OC90: variants seen among roughly 807,000 people sequenced by gnomAD.
OC90 encodes the protein otoconin-90.
Under a neutral mutation model 47.3 loss-of-function variants are expected in OC90, and 46 were observed. The ratio of observed to expected loss-of-function variants is 0.97; its 90% confidence interval spans 0.77 to 1.24. The LOEUF (loss-of-function observed/expected upper bound fraction) is 1.24, where lower values mean the gene tolerates loss of function less well. Ranked by LOEUF, OC90 falls within the 50% of genes most tolerant of loss-of-function variation. The pLI, the probability that OC90 is intolerant of heterozygous loss-of-function variation, is 0.00. For synonymous variants in OC90, 271 were observed against 219.5 expected (o/e 1.23, Z -2.07); for missense variants, 688 against 583.9 (o/e 1.18, Z -1.84).
intron 13 of OC90, among the ~76,000 whole-genome samples, chr8:132,025,284 G>A (rs1489514156): frequency 2.0e-5 from 3 of 152,208 alleles, no homozygotes; most frequent in African/African-American, 7.2e-5. Context: ...TGGCAACAGA[G>A]ATGAGAAAAT....
chr8:132,032,095 G>A, intron 11 of OC90, 43 bp from the exon 12 acceptor site: 12 of 1,585,664 alleles, frequency 7.6e-6, no homozygotes, highest in Non-Finnish European at 1.0e-5. Flanking sequence ...GACTGTCGGG[G>A]CAGCTGTCTC....
intron 4 of OC90, among the ~76,000 whole-genome samples, chr8:132,043,369 A>T (rs1331858266): frequency 6.6e-6 from 1 of 152,270 alleles, no homozygotes; most frequent in Non-Finnish European, 1.5e-5. Flanking sequence ...TACATTTCAC[A>T]GTAGTAAACC....
At chr8:132,031,025 G>C (rs1004119557) in intron 12 of OC90, among the ~76,000 whole-genome samples, 2 of 152,118 alleles carry the variant, frequency 1.3e-5, no homozygotes, top group African/African-American at 4.8e-5. Context: ...TTTGAATGCA[G>C]GTCTCTCCAT....
At chr8:132,055,698 A>G (rs1469678714) in intron 1 of OC90, among the ~76,000 whole-genome samples, 1 of 152,094 alleles carries the variant, frequency 6.6e-6, no homozygotes, top group Non-Finnish European at 1.5e-5. Context: ...TCGGCTTTTG[A>G]GTATTTCGAA....
At position 132,031,820 on chromosome 8, in the gene OC90, C is replaced by T. The variant is rs901874375; in HGVS notation, c.1031+61G>A. 6 of 1,478,346 alleles carry T rather than the reference C, an allele frequency of 4.1e-6. No individual in the cohort carries two copies. In the South Asian group the frequency reaches 4.9e-5, roughly 12 times the overall value. 91.6% of individuals were successfully genotyped at this position (1,478,346 alleles called of 1,614,324 possible). ...TGGTGTCCAGGAGGGCTGTCACCACCCTCTGGTGCAGACAGCATCAGCACT... is the reference window on the plus strand; with the variant it reads ...TGGTGTCCAGGAGGGCTGTCACCACTCTCTGGTGCAGACAGCATCAGCACT... On this transcript the variant is annotated intron_variant, in intron 12 of 13. Coordinates refer to ENST00000254627, the MANE Select transcript of OC90 (RefSeq NM_001080399.3).
chr8:132,032,947 G>A (rs1822897527), intron 11 of OC90, 92 bp downstream of exon 11: 10 of 1,387,320 alleles, frequency 7.2e-6, no homozygotes, highest in South Asian at 2.7e-5. Context: ...CCCATGAGAA[G>A]GTCACAGTGT....
chr8:132,024,775 A>C lies in OC90; in HGVS notation c.1140T>G (p.Cys380Trp), dbSNP rs1197006307. Residue 380 changes from cysteine to tryptophan, a missense_variant and splice_region_variant, in exon 14 of 14, where the codon TGT (cysteine) becomes TGG (tryptophan). Transcript: ENST00000254627. ...PVVCVDHTPKCGGQSLCEKLL... is the reference protein window; with the variant it reads ...PVVCVDHTPKWGGQSLCEKLL... ...ACTTCTCACACAGGCTTTGGCCCCC[A>C]CCTTAGAAGGAAAGAGCAGAGTAGA... 1 of 1,610,188 alleles carries C rather than the reference A, an allele frequency of 6.2e-7. No homozygotes were observed. Among genetic ancestry groups the C allele is most frequent in the African/African-American group, 1.3e-5 (1 of 74,876 alleles).
intron 10 of OC90, among the ~76,000 whole-genome samples, chr8:132,033,929 G>A (rs1314463750): frequency 1.3e-5 from 2 of 152,156 alleles, no homozygotes; most frequent in East Asian, 3.8e-4. Context: ...TGTGCCCGCT[G>A]GATTGCAGTC....
intron 2 of OC90, among the ~76,000 whole-genome samples, chr8:132,050,085 G>C (rs72715315): frequency 0.23 from 34,298 of 151,976 alleles, 4,191 homozygotes; most frequent in South Asian, 0.29. Context: ...AACTCTCAAA[G>C]CCTCATTTTT....
chr8:132,028,462 G>A (rs1030503028), intron 13 of OC90, among the ~76,000 whole-genome samples: 46 of 151,084 alleles, frequency 3.0e-4, no homozygotes, highest in African/African-American at 1.0e-3. Flanking sequence ...AGATTGTACC[G>A]CTGTACTCCA....
intron 2 of OC90, among the ~76,000 whole-genome samples, chr8:132,047,591 G>C (rs1823150682): frequency 6.6e-6 from 1 of 151,916 alleles, no homozygotes; most frequent in Non-Finnish European, 1.5e-5. Flanking sequence ...AGCTAAATTT[G>C]ACATAATTGA....
In OC90 at chr8:132,044,453, T is replaced by C. The variant is rs532116526; in HGVS notation, c.149A>G (p.Glu50Gly). ...CTTACCAAAAATTTCAGCCACACTT[T>C]CCACATTTTTAAACATCCCACTGAA... ...TFFSGMFKNV[E>G]SVAEIFDCLG... The change falls in exon 4 of 14, where the codon GAA becomes GGA. Residue 50 changes from glutamate (E) to glycine (G), a missense_variant. Coordinates refer to ENST00000254627, the MANE Select transcript of OC90 (RefSeq NM_001080399.3). 52 of 1,557,010 alleles carry C rather than the reference T, an allele frequency of 3.3e-5. No individual in the cohort carries two copies. In the African/African-American group the frequency reaches 6.6e-4, roughly 20 times the overall value.
rs201657644 is a variant in OC90, at chr8:132,031,904, G to A, written c.1008C>T (p.Gly336=). Residue 336 remains glycine, a synonymous_variant, in exon 12 of 14, where the codon GGC becomes GGT. Transcript: ENST00000254627. ...ACCTGTCTAGGTCATCCCTTGGCTC[G>A]CCTCTTCCTTCTTGTCCACAGTAAC... ...YGCYCGQEGR[G]EPRDDLDRCC... 6 of 1,613,504 alleles carry A rather than the reference G, an allele frequency of 3.7e-6. No homozygotes were observed. Among genetic ancestry groups the A allele is most frequent in the Admixed American group, 1.7e-5 (1 of 59,976 alleles).
At chr8:132,038,881 G>A in intron 7 of OC90, 50 bp from the exon 8 acceptor site, 1 of 1,608,140 alleles carries the variant, frequency 6.2e-7, no homozygotes, top group Non-Finnish European at 8.5e-7. Context: ...GGGTTTGAGG[G>A]AGGGTTTGAA....
chr8:132,029,980 T>A (rs182283767), intron 12 of OC90, among the ~76,000 whole-genome samples: 1 of 152,314 alleles, frequency 6.6e-6, no homozygotes, highest in East Asian at 1.9e-4. Context: ...TCTTGTGGCT[T>A]TTTTATTGCA....
intron 1 of OC90, among the ~76,000 whole-genome samples, chr8:132,057,193 T>C (rs1041147393): frequency 6.6e-6 from 1 of 152,188 alleles, no homozygotes; most frequent in Non-Finnish European, 1.5e-5. Flanking sequence ...GCTCAATAAG[T>C]AGTAGCTGCT....
chr8:132,036,017 A>G (rs1039209000), intron 9 of OC90, among the ~76,000 whole-genome samples: 2 of 152,264 alleles, frequency 1.3e-5, no homozygotes, highest in Admixed American at 6.5e-5. Context: ...AAGGATCCAT[A>G]GTTATTTACA....
chr8:132,041,879 C>G (rs1328807005), intron 4 of OC90, among the ~76,000 whole-genome samples, 180 bp from the exon 5 acceptor site: 1 of 152,084 alleles, frequency 6.6e-6, no homozygotes, highest in East Asian at 1.9e-4. Context: ...TACCTAACAA[C>G]CATTTAAACC....
chr8:132,046,513 A>T (rs1235268994), intron 2 of OC90, among the ~76,000 whole-genome samples: 2 of 152,200 alleles, frequency 1.3e-5, no homozygotes, highest in Non-Finnish European at 2.9e-5. Flanking sequence ...TAGTACTACC[A>T]GTACCCAAAT....
Sources: gnomAD v4.1 joint callset for allele counts (sites outside exome capture counted in the v4.1 genomes callset) on GRCh38, gnomAD v4.1.1 for gene constraint, MANE v1.5 for transcripts, NCBI Gene and HGNC (gene_info 2026-07-23, HGNC 2026-07-21) for gene names.